Variants in SNAP25 observed in about 807,000 individuals in gnomAD.
SNAP25 encodes the protein synaptosomal-associated protein 25.
Under a neutral mutation model 28.7 loss-of-function variants are expected in SNAP25, and 3 were observed. The observed-to-expected ratio is 0.10, with a 90% CI of 0.05 to 0.27. The LOEUF (loss-of-function observed/expected upper bound fraction) is 0.27, where lower values mean the gene tolerates loss of function less well. SNAP25 is among the 10% of genes least tolerant of loss of function. The pLI is 1.00. For synonymous variants in SNAP25, 61 were observed against 88.1 expected, an observed-to-expected ratio of 0.69 and a Z score of 1.72; for missense variants, 117 against 278.7, an observed-to-expected ratio of 0.42 and a Z score of 4.13.
At chr20:10,294,834 C>G (rs1389233948) in intron 5 of SNAP25, among the ~76,000 whole-genome samples, 4 of 150,752 alleles carry the variant, frequency 2.7e-5, no homozygotes, top group Admixed American at 2.6e-4. Flanking sequence ...TCCAGTTAGT[C>G]AAGATTTGAC....
At chr20:10,298,325 T>C (rs2064159247) in intron 6 of SNAP25, among the ~76,000 whole-genome samples, 1 of 152,222 alleles carries the variant, frequency 6.6e-6, no homozygotes, top group Non-Finnish European at 1.5e-5. Context: ...AAAGTTCTCC[T>C]TTAGTTTTTT....
At chr20:10,298,278 C>T (rs1387184061) in intron 6 of SNAP25, among the ~76,000 whole-genome samples, 1 of 152,168 alleles carries the variant, frequency 6.6e-6, no homozygotes, top group Non-Finnish European at 1.5e-5. Flanking sequence ...TATTGATGAT[C>T]ATTTAAATAA....
intron 1 of SNAP25, among the ~76,000 whole-genome samples, chr20:10,230,071 T>A (rs1274765923): frequency 2.0e-5 from 3 of 152,090 alleles, no homozygotes; most frequent in African/African-American, 7.2e-5. Context: ...CCTTCTCTCC[T>A]TTTCCCACCC....
At chr20:10,288,199 C>T (rs1390625782) in intron 4 of SNAP25, among the ~76,000 whole-genome samples, 1 of 151,708 alleles carries the variant, frequency 6.6e-6, no homozygotes, top group Non-Finnish European at 1.5e-5. Context: ...AATAAATAAA[C>T]ATATACACTC....
intron 1 of SNAP25, among the ~76,000 whole-genome samples, chr20:10,248,073 G>A (rs1232610847): frequency 1.3e-5 from 2 of 152,166 alleles, no homozygotes; most frequent in Admixed American, 6.5e-5. Context: ...ATACAAAGAC[G>A]GATGGAGAAC....
chr20:10,224,257 CTTTTTTTTTTTTTTTTTTT>C (rs71332917), intron 1 of SNAP25, among the ~76,000 whole-genome samples: 18 of 17,432 alleles, frequency 1.0e-3, no homozygotes, highest in African/African-American at 1.1e-3. Context: ...ATGTACATGT[CTTTTTTTTTTTTTTTTTTT>C]TTTTTTTTTT....
rs746018453 is a variant in SNAP25, at chr20:10,293,046, C to CT, written c.164-102dup. ...TAATCTGTGGCGTCCAGTTTTCTTT[C>CT]TTTTTTTTTTTTTCTTTTTTAATGT... On this transcript the variant is annotated intron_variant, in intron 4 of 7. Coordinates refer to ENST00000254976, the MANE Select transcript of SNAP25 (RefSeq NM_130811.4). This position sits in a 1 kb window ranked among gnomAD's most constrained non-coding sequence, Gnocchi z 5.6. The CT allele has an allele frequency of 0.13, 125,006 of 996,576 alleles. 1 individual carries two copies. Among genetic ancestry groups the CT allele is most frequent in the South Asian group, 0.15 (8,064 of 52,646 alleles). 61.7% of individuals were successfully genotyped at this position (996,576 alleles called of 1,614,324 possible).
At chr20:10,272,920 T>C (rs1286405972) in intron 1 of SNAP25, among the ~76,000 whole-genome samples, 2 of 152,202 alleles carry the variant, frequency 1.3e-5, no homozygotes, top group Non-Finnish European at 2.9e-5. Context: ...AAGTTTCACT[T>C]TAGGATTCCT....
chr20:10,294,854 C>T (rs2064076057), intron 5 of SNAP25, among the ~76,000 whole-genome samples: 1 of 151,656 alleles, frequency 6.6e-6, no homozygotes, highest in East Asian at 1.9e-4. Context: ...CTGTATATTC[C>T]TTTCAGTGGC....
intron 3 of SNAP25, among the ~76,000 whole-genome samples, chr20:10,281,025 A>C (rs1218070521): frequency 6.6e-6 from 1 of 152,222 alleles, no homozygotes; most frequent in African/African-American, 2.4e-5. Context: ...TCAGAACGGC[A>C]AAAGAAAGAT....
chr20:10,291,024 T>C (rs553812761), intron 4 of SNAP25, among the ~76,000 whole-genome samples: 1 of 152,334 alleles, frequency 6.6e-6, no homozygotes, highest in Admixed American at 6.5e-5. Flanking sequence ...AAAAATCTTC[T>C]TGAATGTAGG....
chr20:10,229,030 A>G (rs772183116), intron 1 of SNAP25, among the ~76,000 whole-genome samples: 1 of 152,110 alleles, frequency 6.6e-6, no homozygotes, highest in Non-Finnish European at 1.5e-5. Context: ...CATGTTTCTC[A>G]GGGTAATGTT....
chr20:10,255,279 G>A lies in SNAP25; in HGVS notation c.-63-20150G>A, dbSNP rs551456061. 2.1e-4 allele frequency among the ~76,000 whole-genome samples: 32 copies of A among 152,234 alleles called. No homozygotes were observed. The South Asian group carries it at 6.0e-3, about 29-fold the overall frequency. ...CACTTCAAACTTTGATTGCTTAAAC[G>A]GCCATCAAACGATGCTTGCTCCTCT... On this transcript the variant is annotated intron_variant, in intron 1 of 7. Coordinates refer to ENST00000254976, the MANE Select transcript of SNAP25 (RefSeq NM_130811.4).
chr20:10,263,332 T>G (rs1600710511), intron 1 of SNAP25, among the ~76,000 whole-genome samples: 1 of 152,024 alleles, frequency 6.6e-6, no homozygotes, highest in Middle Eastern at 3.2e-3. Context: ...CCTGGGGTAT[T>G]CTTACAAAGA....
rs6108462 is a variant in SNAP25 at position 10,296,841 on chromosome 20, G to A, written c.282-84G>A. The A allele has an allele frequency of 6.0e-5, 95 of 1,593,050 alleles. No homozygotes were observed. The Middle Eastern group carries it at 1.5e-3, about 25-fold the overall frequency. ...GACTTAAAACTCATTCGCTTGGTTC[G>A]ATTCTTCGCTTGAAGAAGTGACAAT... On this transcript the variant is annotated intron_variant, in intron 5 of 7. Coordinates refer to ENST00000254976, the MANE Select transcript of SNAP25 (RefSeq NM_130811.4).
At chr20:10,236,755 C>T (rs997226965) in intron 1 of SNAP25, among the ~76,000 whole-genome samples, 2 of 152,012 alleles carry the variant, frequency 1.3e-5, no homozygotes, top group African/African-American at 2.4e-5. Flanking sequence ...GCCTTCTTAG[C>T]GATTCCAGGG....
chr20:10,274,888 G>C (rs957738213), intron 1 of SNAP25, among the ~76,000 whole-genome samples: 6 of 152,042 alleles, frequency 3.9e-5, no homozygotes, highest in African/African-American at 1.4e-4. Context: ...TCTGGGCATA[G>C]ACATGTGGGA....
chr20:10,262,320 T>TG (rs1568598455), intron 1 of SNAP25, among the ~76,000 whole-genome samples: 1 of 152,158 alleles, frequency 6.6e-6, no homozygotes, highest in Non-Finnish European at 1.5e-5. Flanking sequence ...AGCCCTAGAT[T>TG]GGGACTTAAA....
chr20:10,238,179 C>T (rs2062958550), intron 1 of SNAP25, among the ~76,000 whole-genome samples: 1 of 152,168 alleles, frequency 6.6e-6, no homozygotes, highest in Non-Finnish European at 1.5e-5. Flanking sequence ...TCCACCCACA[C>T]ATGGCAGGTG....
Sources: allele counts gnomAD v4.1 joint callset (sites outside exome capture counted in the v4.1 genomes callset), GRCh38; gene constraint gnomAD v4.1.1; non-coding constraint Gnocchi (gnomAD v3.1); transcripts MANE v1.5; gene names NCBI Gene and HGNC (gene_info 2026-07-23, HGNC 2026-07-21).